ATL2: variants seen among roughly 807,000 people sequenced by gnomAD.
ATL2 encodes the protein atlastin GTPase 2, also known as atlastin-2.
Under a neutral mutation model 73.9 loss-of-function variants are expected in ATL2, and 31 were observed. The observed-to-expected ratio is 0.42, with a 90% confidence interval of 0.32 to 0.57. The LOEUF is 0.57. ATL2 is among the 20% of genes least tolerant of loss of function. ATL2 has a pLI of 0.14. For synonymous variants in ATL2, 291 were observed against 237.5 expected (o/e 1.23, Z -2.07); for missense variants, 738 against 702.6 (o/e 1.05, Z -0.57).
At chr2:38,340,071 G>A (rs1669616218) in intron 2 of ATL2, among the ~76,000 whole-genome samples, 1 of 148,298 alleles carries the variant, frequency 6.7e-6, no homozygotes. Context: ...AACAAAATAA[G>A]CCAAACACAT....
intron 1 of ATL2, among the ~76,000 whole-genome samples, chr2:38,374,611 T>C (rs2124510233): frequency 6.6e-6 from 1 of 152,354 alleles, no homozygotes; most frequent in Admixed American, 6.5e-5. Context: ...GACAATTGTG[T>C]GTGTCAAACA....
chr2:38,348,963 C>T (rs1217061404), intron 1 of ATL2, among the ~76,000 whole-genome samples: 24 of 152,010 alleles, frequency 1.6e-4, no homozygotes. Flanking sequence ...CAAATCAAAA[C>T]CACAATGAGA....
At chr2:38,352,044 G>A (rs1359847941) in intron 1 of ATL2, among the ~76,000 whole-genome samples, 1 of 149,590 alleles carries the variant, frequency 6.7e-6, no homozygotes, top group Non-Finnish European at 1.5e-5. Context: ...CCCAGGGGTG[G>A]AGGCTGCAGT....
At chr2:38,310,170 C>T in intron 8 of ATL2, 139 bp downstream of exon 8, 1 of 941,042 alleles carries the variant, frequency 1.1e-6, no homozygotes, top group Non-Finnish European at 1.6e-6. Context: ...CAACACAGAG[C>T]ATTACAACCA....
intron 2 of ATL2, among the ~76,000 whole-genome samples, chr2:38,325,707 C>CT (rs1668601915): frequency 1.2e-5 from 1 of 85,916 alleles, no homozygotes; most frequent in African/African-American, 8.7e-5. Context: ...AGTACACACA[C>CT]ACACACACAC....
intron 10 of ATL2, among the ~76,000 whole-genome samples, chr2:38,299,624 G>A (rs60589743): frequency 0.022 from 3,328 of 152,216 alleles, 124 homozygotes; most frequent in African/African-American, 0.075. Flanking sequence ...CCTAAAATAT[G>A]TGGATCTCCA....
rs576198257 is a variant in ATL2 at position 38,365,380 on chromosome 2, C to T, written c.118+11763G>A. Reference sequence around the variant, plus strand: ...CAGTTTAAAAAAAGAGAAGGCCGGGCACAGTGGCTCACACCTGTAATCCCA... The same window carrying T: ...CAGTTTAAAAAAAGAGAAGGCCGGGTACAGTGGCTCACACCTGTAATCCCA... On this transcript the variant is annotated intron_variant, in intron 1 of 12. Transcript: ENST00000378954. 4.6e-5 allele frequency among the ~76,000 whole-genome samples: 7 copies of T among 152,260 alleles called. No individual in the cohort carries two copies. In the South Asian group the frequency reaches 1.2e-3, roughly 27 times the overall value.
intron 10 of ATL2, among the ~76,000 whole-genome samples, chr2:38,299,743 ACT>A (rs1159592320): frequency 6.6e-6 from 1 of 152,210 alleles, no homozygotes; most frequent in Non-Finnish European, 1.5e-5. Context: ...ATCGGCAAAT[ACT>A]GTTTAATCTA....
intron 1 of ATL2, among the ~76,000 whole-genome samples, chr2:38,361,186 T>C (rs1167616080): frequency 6.6e-6 from 1 of 151,452 alleles, no homozygotes; most frequent in Non-Finnish European, 1.5e-5. Context: ...ACCCCATCTC[T>C]ACTAAAAAAT....
chr2:38,375,950 T>C (rs1036281901), intron 1 of ATL2, among the ~76,000 whole-genome samples: 1 of 152,226 alleles, frequency 6.6e-6, no homozygotes, highest in African/African-American at 2.4e-5. Flanking sequence ...TGATGAAGTA[T>C]ATTTCAAATA....
At chr2:38,297,238 CG>C (rs1413056032) in intron 12 of ATL2, among the ~76,000 whole-genome samples, 1 of 152,174 alleles carries the variant, frequency 6.6e-6, no homozygotes, top group Non-Finnish European at 1.5e-5. Flanking sequence ...TCTGCTTCTT[CG>C]GTCTTCAAGT....
chr2:38,376,163 C>T (rs533096591), intron 1 of ATL2: 6 of 1,530,266 alleles, frequency 3.9e-6, no homozygotes, highest in Non-Finnish European at 4.4e-6. Context: ...AAACTTTATG[C>T]CTTTCTTAAG....
chr2:38,324,314 C>T (rs999837173), intron 2 of ATL2, among the ~76,000 whole-genome samples: 2 of 152,104 alleles, frequency 1.3e-5, no homozygotes, highest in Non-Finnish European at 2.9e-5. Flanking sequence ...CAATAATAAG[C>T]GAGATCCTCC....
chr2:38,357,628 C>T lies in ATL2; in HGVS notation c.119-14116G>A, dbSNP rs1299340213. On this transcript the variant is annotated intron_variant, in intron 1 of 12. Transcript: ENST00000378954. Reference sequence around the variant, plus strand: ...GATCGCACCACTGCACTCCAGCCTGCGTGACAGAGCAAGACTCCGTCTCAA... The same window carrying T: ...GATCGCACCACTGCACTCCAGCCTGTGTGACAGAGCAAGACTCCGTCTCAA... Among the ~76,000 whole-genome samples the T allele has an allele frequency of 3.5e-5, 4 of 113,084 alleles. No individual in the cohort carries two copies. The Admixed American group carries it at 3.7e-4, about 10-fold the overall frequency. The allele number at this position is 113,084 out of a possible 152,430, so 74.2% of individuals were successfully genotyped here.
intron 1 of ATL2, among the ~76,000 whole-genome samples, chr2:38,367,133 T>C (rs1328873281): frequency 6.6e-6 from 1 of 152,062 alleles, no homozygotes; most frequent in Non-Finnish European, 1.5e-5. Context: ...ACATTATCTT[T>C]TAATCTTAGA....
chr2:38,327,409 A>C (rs779030076), intron 2 of ATL2, among the ~76,000 whole-genome samples: 1 of 152,098 alleles, frequency 6.6e-6, no homozygotes, highest in Admixed American at 6.6e-5. Context: ...TGTACATTGC[A>C]AACTCCAGGC....
chr2:38,334,870 AATATATATTATATAAT>A (rs1370295257), intron 2 of ATL2, among the ~76,000 whole-genome samples: 2 of 40,428 alleles, frequency 4.9e-5, no homozygotes, highest in Non-Finnish European at 1.7e-4. Flanking sequence ...TATATTATAT[AATATATATTATATAAT>A]ATATAATATA....
intron 7 of ATL2, among the ~76,000 whole-genome samples, chr2:38,312,268 C>CG (rs1034023850): frequency 4.6e-5 from 7 of 152,078 alleles, no homozygotes; most frequent in African/African-American, 1.7e-4. Flanking sequence ...GCCCATGTGT[C>CG]GGGGGAGGGG....
At chr2:38,370,430 CAG>C (rs1671612972) in intron 1 of ATL2, among the ~76,000 whole-genome samples, 1 of 115,242 alleles carries the variant, frequency 8.7e-6, no homozygotes, top group Non-Finnish European at 1.6e-5. Flanking sequence ...GCCTGGGAGA[CAG>C]AGTGAGACTC....
Sources: gnomAD v4.1 joint callset for allele counts (sites outside exome capture counted in the v4.1 genomes callset) on GRCh38, gnomAD v4.1.1 for gene constraint, MANE v1.5 for transcripts, NCBI Gene and HGNC (gene_info 2026-07-23, HGNC 2026-07-21) for gene names.